Variants in ZNF257 observed in about 807,000 individuals in gnomAD.
ZNF257 encodes bone marrow zinc finger 4.
ZNF257 carries 12 observed loss-of-function variants against 11.9 expected under a neutral mutation model. The ratio of observed to expected loss-of-function variants is 1.01; its 90% CI spans 0.65 to 1.63. The LOEUF (loss-of-function observed/expected upper bound fraction) is 1.63. Among genes scored for constraint, ZNF257 ranks in the 40% most tolerant of loss-of-function variants. ZNF257 has a pLI of 0.00. For synonymous variants in ZNF257, 183 were observed against 222.7 expected (o/e 0.82, Z 1.59); for missense variants, 580 against 665.5 (o/e 0.87, Z 1.41).
At chr19:22,069,367 C>A (rs2022040648) in intron 1 of ZNF257, among the ~76,000 whole-genome samples, 1 of 152,128 alleles carries the variant, frequency 6.6e-6, no homozygotes, top group African/African-American at 2.4e-5. Flanking sequence ...GTAATCCCAG[C>A]ACTTTGGGAG....
chr19:22,072,994 ATTT>A (rs200588824), intron 2 of ZNF257, 59 bp downstream of exon 2: 19 of 1,173,580 alleles, frequency 1.6e-5, no homozygotes, highest in South Asian at 5.6e-5. Context: ...TTTTTTATTT[ATTT>A]TTTTTTTTGT....
chr19:22,087,131 T>C (rs1194939397), intron 3 of ZNF257, among the ~76,000 whole-genome samples: 3 of 152,048 alleles, frequency 2.0e-5, no homozygotes, highest in African/African-American at 7.2e-5. Flanking sequence ...TATACATTTT[T>C]ATTTTATAAT....
intron 1 of ZNF257, among the ~76,000 whole-genome samples, chr19:22,062,284 G>A (rs1420324498): frequency 2.8e-5 from 4 of 143,272 alleles, no homozygotes; most frequent in East Asian, 2.1e-4. Context: ...GGAGTGCAGT[G>A]GCGAATTTTT....
chr19:22,068,895 C>T (rs772787781), intron 1 of ZNF257, among the ~76,000 whole-genome samples: 1 of 152,134 alleles, frequency 6.6e-6, no homozygotes, highest in Non-Finnish European at 1.5e-5. Flanking sequence ...CGTCAGCACA[C>T]GGTCACTGGG....
intron 1 of ZNF257, among the ~76,000 whole-genome samples, chr19:22,056,753 C>T (rs185963716): frequency 6.6e-6 from 1 of 152,260 alleles, no homozygotes; most frequent in Admixed American, 6.5e-5. Flanking sequence ...GCTGGGATTA[C>T]AGGTGTAAGC....
chr19:22,060,309 C>T (rs1168898161), intron 1 of ZNF257, among the ~76,000 whole-genome samples: 1 of 152,110 alleles, frequency 6.6e-6, no homozygotes, highest in African/African-American at 2.4e-5. Flanking sequence ...TTATCAGCAT[C>T]TGTGATTTTT....
chr19:22,082,984 G>C (rs917856353), intron 3 of ZNF257, among the ~76,000 whole-genome samples: 1 of 152,004 alleles, frequency 6.6e-6, no homozygotes, highest in East Asian at 1.9e-4. Flanking sequence ...TATTATCCCT[G>C]TGTTTCTTTA....
chr19:22,062,407 A>G (rs1193288464), intron 1 of ZNF257, among the ~76,000 whole-genome samples: 3 of 151,168 alleles, frequency 2.0e-5, no homozygotes, highest in African/African-American at 7.3e-5. Flanking sequence ...TACAGGTGTG[A>G]GCCACTGCGC....
At chr19:22,068,896 G>A (rs183745070) in intron 1 of ZNF257, among the ~76,000 whole-genome samples, 3 of 152,054 alleles carry the variant, frequency 2.0e-5, no homozygotes, top group Admixed American at 6.6e-5. Context: ...GTCAGCACAC[G>A]GTCACTGGGA....
chr19:22,061,621 CT>C (rs530083108), intron 1 of ZNF257, among the ~76,000 whole-genome samples: 179 of 146,044 alleles, frequency 1.2e-3, no homozygotes, highest in South Asian at 2.2e-3. Context: ...ATTTGGATGC[CT>C]TTTTTTTTTT....
chr19:22,061,588 A>G (rs1275531158), intron 1 of ZNF257, among the ~76,000 whole-genome samples: 1 of 149,358 alleles, frequency 6.7e-6, no homozygotes, highest in East Asian at 1.9e-4. Context: ...GCACACAAAG[A>G]TCGTTTGACA....
chr19:22,081,309 G>A (rs2022355453), intron 3 of ZNF257, among the ~76,000 whole-genome samples: 1 of 151,790 alleles, frequency 6.6e-6, no homozygotes, highest in African/African-American at 2.4e-5. Context: ...TATAATATCA[G>A]TCTTTGTCTC....
intron 1 of ZNF257, among the ~76,000 whole-genome samples, chr19:22,065,582 T>C (rs1396311712): frequency 6.6e-6 from 1 of 152,144 alleles, no homozygotes; most frequent in Non-Finnish European, 1.5e-5. Context: ...ATATCTAATG[T>C]TCAAAAAATT....
chr19:22,059,218 G>A (rs1244662839), intron 1 of ZNF257, among the ~76,000 whole-genome samples: 1 of 151,958 alleles, frequency 6.6e-6, no homozygotes, highest in Non-Finnish European at 1.5e-5. Context: ...TGTCATGGGG[G>A]TTTGGTGTGC....
chr19:22,057,930 T>A (rs1411973785), intron 1 of ZNF257, among the ~76,000 whole-genome samples: 16 of 152,102 alleles, frequency 1.1e-4, no homozygotes, highest in Admixed American at 1.0e-3. Flanking sequence ...TGGCTAAATT[T>A]TTTGTATTTT....
Position 22,088,576 on chromosome 19 carries a change from AAG to A in ZNF257, c.830_831del (p.Arg277AsnfsTer3). ...CCGGTCTTCACACATTACTCAACAT[AAG>A]AGAATTCATAATAGAGAGAAGCCCT... Reference protein sequence around the residue: ...FNRSSHITQHKRIHNREKPFK... With the variant: ...FNRSSHITQHXRIHNREKPFK... On this transcript the variant is annotated frameshift_variant, in exon 4 of 4. Transcript: ENST00000594947. LOFTEE classifies it low-confidence loss of function (END_TRUNC). 1 of 1,613,578 alleles carries A rather than the reference AAG, an allele frequency of 6.2e-7. No homozygotes were observed. The highest frequency in any genetic ancestry group is 1.3e-5 in the African/African-American group (1 of 74,852).
intron 1 of ZNF257, among the ~76,000 whole-genome samples, chr19:22,071,936 G>GA (rs776739713): frequency 1.3e-5 from 2 of 151,422 alleles, no homozygotes; most frequent in South Asian, 2.1e-4. Flanking sequence ...AGAAAGTCCT[G>GA]AAAAAAAATG....
At chr19:22,061,398 G>A (rs1196478916) in intron 1 of ZNF257, among the ~76,000 whole-genome samples, 2 of 152,120 alleles carry the variant, frequency 1.3e-5, no homozygotes, top group African/African-American at 4.8e-5. Flanking sequence ...TTCTGTGGCA[G>A]TTGTGAATGA....
chr19:22,073,059 TG>T (rs1163468768), intron 2 of ZNF257, 124 bp downstream of exon 2: 1 of 1,162,516 alleles, frequency 8.6e-7, no homozygotes, highest in Non-Finnish European at 1.2e-6. Context: ...TTTGCATAAA[TG>T]AGTTTCATAT....
Sources: allele counts gnomAD v4.1 joint callset (sites outside exome capture counted in the v4.1 genomes callset), GRCh38; gene constraint gnomAD v4.1.1; transcripts MANE v1.5; gene names NCBI Gene and HGNC (gene_info 2026-07-23, HGNC 2026-07-21).